Variants in RAG1 observed in about 807,000 individuals in gnomAD.
The protein encoded by RAG1 is V(D)J recombination-activating protein 1.
A neutral mutation model predicts 62.7 loss-of-function variants in RAG1; 35 were observed. The ratio of observed to expected loss-of-function variants is 0.56; its 90% confidence interval spans 0.43 to 0.74. The LOEUF is 0.74. RAG1 is among the 30% of genes least tolerant of loss of function. The pLI, the probability that RAG1 is intolerant of heterozygous loss-of-function variation, is 0.00. For synonymous variants in RAG1, 461 were observed against 470.3 expected, an observed-to-expected ratio of 0.98 and a Z score of 0.26; for missense variants, 1,169 against 1,278.6, an observed-to-expected ratio of 0.91 and a Z score of 1.31.
intron 3 of RAG1, among the ~76,000 whole-genome samples, chr11:36,559,456 C>A (rs1037908877): frequency 6.6e-6 from 1 of 152,144 alleles, no homozygotes; most frequent in African/African-American, 2.4e-5. Context: ...ATTAGAGTTT[C>A]TCTGCCTTTT....
At position 36,575,293 on chromosome 11, in the gene RAG1, A is replaced by C. The variant is rs753984753; in HGVS notation, c.1989A>C (p.Ala663=). 6.4e-5 allele frequency: 104 copies of C among 1,614,132 alleles called. No homozygotes were observed. In the South Asian group the frequency reaches 1.1e-3, roughly 17 times the overall value. The change falls in exon 2 of 2, where the codon GCA becomes GCC. Residue 663 remains alanine (A), a synonymous_variant. Transcript: ENST00000299440. This position sits in a 1 kb window ranked among gnomAD's most constrained non-coding sequence, Gnocchi z 4.1. ...GCAAGCCATTGTGCCTTATGCTGGC[A>C]GATGAGTCTGACCACGAGACGCTGA... ...LCCKPLCLML[A]DESDHETLTA...
In RAG1 at chr11:36,522,747, A is replaced by C. The variant is rs1276793629; in HGVS notation, n.428+2518A>C. Among the ~76,000 whole-genome samples the C allele has an allele frequency of 2.6e-5, 4 of 152,234 alleles. No homozygotes were observed. The East Asian group carries it at 7.7e-4, about 29-fold the overall frequency. On this transcript the variant is annotated intron_variant and non_coding_transcript_variant, in intron 2 of 2. Coordinates refer to the RAG1 transcript ENST00000529126. ...GCAACTGGGAGGGGCTGTACCCTGC[A>C]AAGCCACAGGGGCAGAGCTGCCTAA... is the stretch of plus-strand genomic sequence containing the variant.
chr11:36,565,121 T>C (rs1178464105), upstream of RAG1, among the ~76,000 whole-genome samples: 1 of 152,098 alleles, frequency 6.6e-6, no homozygotes, highest in Non-Finnish European at 1.5e-5. Flanking sequence ...AAGACAAGAG[T>C]TTTGCTAGTT....
intron 2 of RAG1, among the ~76,000 whole-genome samples, chr11:36,526,572 T>C (rs1039329731): frequency 6.6e-6 from 1 of 152,224 alleles, no homozygotes; most frequent in African/African-American, 2.4e-5. Flanking sequence ...AGTAGCATGA[T>C]TTATAATCCT....
Position 36,573,861 on chromosome 11 carries a change from A to C in RAG1, c.557A>C (p.Lys186Thr), listed in dbSNP as rs1179365435. Residue 186 changes from lysine to threonine, a missense_variant, in exon 2 of 2, where the codon AAG becomes ACG. By Grantham distance (78) the Lys-to-Thr change is moderately conservative. This residue lies in a region of RAG1 where 369 missense variants were observed against 335.3 expected (regional missense o/e 1.10). Coordinates refer to ENST00000299440, the MANE Select transcript of RAG1 (RefSeq NM_000448.3). ...AACTGCTGGAGCATCATGCACAGGAAGTTTAGCAGTGCCCCATGTGAGGTT... is the reference window on the plus strand; with the variant it reads ...AACTGCTGGAGCATCATGCACAGGACGTTTAGCAGTGCCCCATGTGAGGTT... ...CHNCWSIMHR[K>T]FSSAPCEVYF... 6.2e-7 allele frequency: 1 copy of C among 1,614,176 alleles called. No homozygotes were observed. Among genetic ancestry groups the C allele is most frequent in the Non-Finnish European group, 8.5e-7 (1 of 1,180,040 alleles).
intron 3 of RAG1, among the ~76,000 whole-genome samples, chr11:36,551,785 G>C: frequency 7.3e-6 from 1 of 137,014 alleles, no homozygotes; most frequent in African/African-American, 2.7e-5. Flanking sequence ...AGTCCCCAGA[G>C]TGTGATATTC....
intron 2 of RAG1, among the ~76,000 whole-genome samples, chr11:36,527,857 G>T (rs1860189307): frequency 6.6e-6 from 1 of 152,044 alleles, no homozygotes; most frequent in Non-Finnish European, 1.5e-5. Context: ...GTTCACTCAT[G>T]ATTTGTCTCT....
intron 1 of RAG1, among the ~76,000 whole-genome samples, chr11:36,570,517 C>G (rs1850724537): frequency 6.7e-6 from 1 of 148,370 alleles, no homozygotes; most frequent in Admixed American, 6.7e-5. Context: ...ACTGATTTAA[C>G]TTCCTTTGGA....
chr11:36,540,427 C>T (rs555521879), downstream of RAG1, among the ~76,000 whole-genome samples: 5 of 152,204 alleles, frequency 3.3e-5, no homozygotes, highest in East Asian at 1.9e-4. Flanking sequence ...ATTTTTGCGA[C>T]GGAGCCTCTC....
chr11:36,562,238 T>C (rs1057352246), intron 3 of RAG1, among the ~76,000 whole-genome samples: 1 of 152,192 alleles, frequency 6.6e-6, no homozygotes, highest in Non-Finnish European at 1.5e-5. Flanking sequence ...GAGTTTGCCT[T>C]GAAGTGTAGA....
upstream of RAG1, among the ~76,000 whole-genome samples, chr11:36,566,840 G>A (rs1265791466): frequency 6.6e-6 from 1 of 152,210 alleles, no homozygotes; most frequent in African/African-American, 2.4e-5. Flanking sequence ...GTGTGGTTAA[G>A]TAGGTCCAAA....
chr11:36,519,395 G>A (rs1412534463), intron 1 of RAG1, among the ~76,000 whole-genome samples: 1 of 152,164 alleles, frequency 6.6e-6, no homozygotes, highest in Non-Finnish European at 1.5e-5. Context: ...TGCTCTTAAA[G>A]TCACTTATAT....
At chr11:36,518,032 C>G (rs902353407) in intron 1 of RAG1, among the ~76,000 whole-genome samples, 2 of 135,678 alleles carry the variant, frequency 1.5e-5, no homozygotes, top group African/African-American at 5.5e-5. Context: ...TGTTCCCCTT[C>G]CTGTGTTCAT....
chr11:36,564,478 G>A (rs1013560534), upstream of RAG1, among the ~76,000 whole-genome samples: 6 of 152,128 alleles, frequency 3.9e-5, no homozygotes, highest in African/African-American at 9.7e-5. Context: ...GCCAGTTCAT[G>A]GATTCAACAA....
intron 2 of RAG1, among the ~76,000 whole-genome samples, chr11:36,520,942 T>C (rs970915495): frequency 1.1e-4 from 16 of 149,454 alleles, no homozygotes; most frequent in African/African-American, 3.4e-4. Flanking sequence ...TTGGCCTGTG[T>C]CCCCACCCAA....
intron 3 of RAG1, among the ~76,000 whole-genome samples, chr11:36,547,608 A>G (rs1269041525): frequency 6.6e-6 from 1 of 152,096 alleles, no homozygotes; most frequent in African/African-American, 2.4e-5. Flanking sequence ...ACCAATAACA[A>G]ATTCTGAAAT....
intron 2 of RAG1, among the ~76,000 whole-genome samples, chr11:36,526,262 T>C (rs913921374): frequency 1.7e-5 from 2 of 116,082 alleles, no homozygotes; most frequent in East Asian, 5.8e-4. Context: ...GGCCCCAGTG[T>C]GTGATATTCC....
chr11:36,575,610 A>G lies in RAG1; in HGVS notation c.2306A>G (p.His769Arg), dbSNP rs984404819. The change falls in exon 2 of 2, where the codon CAT becomes CGT. Residue 769 changes from histidine (H) to arginine (R), a missense_variant. Physicochemically the swap from His to Arg is conservative, Grantham distance 29 (BLOSUM62 0). Around this residue, in one of 2 missense-constraint regions of RAG1, gnomAD observed 800 missense variants for 943.3 expected, o/e 0.85. Coordinates refer to ENST00000299440, the MANE Select transcript of RAG1 (RefSeq NM_000448.3). The surrounding 1 kb of genome is among the most constrained non-coding windows in gnomAD (Gnocchi z 4.1). ...GAGGTCTGGCGTTCCAACCCTTACC[A>G]TGAGTCTGTGGAAGAACTGCGGGAT... ...RYEVWRSNPYHESVEELRDRV... is the reference protein window; with the variant it reads ...RYEVWRSNPYRESVEELRDRV... 6.8e-6 allele frequency: 11 copies of G among 1,614,194 alleles called. No homozygotes were observed. The highest frequency in any genetic ancestry group is 8.5e-6 in the Non-Finnish European group (10 of 1,180,036).
intron 2 of RAG1, among the ~76,000 whole-genome samples, chr11:36,522,301 T>C (rs767235014): frequency 2.6e-5 from 4 of 152,198 alleles, no homozygotes; most frequent in Non-Finnish European, 5.9e-5. Flanking sequence ...CTTGGTGCCC[T>C]GTGTCCCAAC....
Sources: gnomAD v4.1 joint callset for allele counts (sites outside exome capture counted in the v4.1 genomes callset) on GRCh38, gnomAD v4.1.1 for gene constraint, gnomAD v4.1.1 regional missense constraint, Gnocchi (gnomAD v3.1) non-coding constraint, MANE v1.5 for transcripts, NCBI Gene and HGNC (gene_info 2026-07-23, HGNC 2026-07-21) for gene names.